The following CDC27 variants were observed in gnomAD, a reference collection of about 807,000 sequenced individuals.
CDC27 encodes cell division cycle protein 27 homolog.
A neutral mutation model predicts 109.7 loss-of-function variants in CDC27; 27 were observed. The observed-to-expected ratio is 0.25, with a 90% confidence interval of 0.18 to 0.34. The LOEUF (loss-of-function observed/expected upper bound fraction) is 0.34, where lower values mean the gene tolerates loss of function less well. CDC27 is among the 10% of genes least tolerant of loss of function. The pLI, the probability that CDC27 is intolerant of heterozygous loss-of-function variation, is 1.00. For missense variants in CDC27, 579 were observed against 960.2 expected (o/e 0.60, Z 5.25); for synonymous variants, 266 against 333.9 (o/e 0.80, Z 2.22).
intron 4 of CDC27, among the ~76,000 whole-genome samples, chr17:47,162,864 G>A (rs893843392): frequency 6.6e-6 from 1 of 152,106 alleles, no homozygotes; most frequent in African/African-American, 2.4e-5. Context: ...TGTCTGTTAA[G>A]AGATTAGATA....
At chr17:47,151,262 G>T (rs1394367787) in intron 9 of CDC27, among the ~76,000 whole-genome samples, 1 of 152,164 alleles carries the variant, frequency 6.6e-6, no homozygotes, top group East Asian at 1.9e-4. Context: ...AGTCAAGGAG[G>T]TATATGCACA....
At chr17:47,184,184 A>G (rs1757218087) in intron 1 of CDC27, among the ~76,000 whole-genome samples, 1 of 152,154 alleles carries the variant, frequency 6.6e-6, no homozygotes. Context: ...CTCAGCCTCA[A>G]TCTCTTCATC....
At chr17:47,122,768 G>C (rs2062016324) in intron 17 of CDC27, 168 bp from the exon 18 acceptor site, 2 of 386,762 alleles carry the variant, frequency 5.2e-6, no homozygotes, top group Non-Finnish European at 8.8e-6. Flanking sequence ...CCACCTCCCA[G>C]GTTCAAGCGA....
At chr17:47,159,990 A>G in intron 4 of CDC27, 1 of 237,654 alleles carries the variant, frequency 4.2e-6, no homozygotes, top group Non-Finnish European at 8.0e-6. Flanking sequence ...CCACTGCTGA[A>G]ACCTCTGCTT....
intron 9 of CDC27, 122 bp downstream of exon 9, chr17:47,151,684 C>T: frequency 1.4e-6 from 1 of 712,504 alleles, no homozygotes. Context: ...TCAAATTTTA[C>T]ATCTTCAAAA....
rs183586491 is a variant in CDC27, at chr17:47,174,085, T to G, written c.104-2021A>C. Among the ~76,000 whole-genome samples the G allele has an allele frequency of 5.9e-5, 9 of 152,226 alleles. No homozygotes were observed. The East Asian group carries it at 1.7e-3, about 29-fold the overall frequency. On this transcript the variant is annotated intron_variant, in intron 2 of 18. Coordinates refer to ENST00000066544, the MANE Select transcript of CDC27 (RefSeq NM_001256.6). The stretch of plus-strand genomic sequence containing the variant: ...TTCCAGCCTGGGTGACAGAGTGAGA[T>G]TCTGTTTAAATAAATAAATAAATAT...
intron 7 of CDC27, 58 bp downstream of exon 7, chr17:47,156,855 A>T (rs2063322137): frequency 1.7e-6 from 1 of 580,960 alleles, no homozygotes; most frequent in Non-Finnish European, 3.1e-6. Flanking sequence ...TAACAATATG[A>T]GTTATCATAA....
chr17:47,149,837 C>T (rs929481740), intron 9 of CDC27, among the ~76,000 whole-genome samples: 1 of 152,076 alleles, frequency 6.6e-6, no homozygotes, highest in African/African-American at 2.4e-5. Flanking sequence ...TGCCTGTAAT[C>T]CCAGCTACAT....
intron 4 of CDC27, among the ~76,000 whole-genome samples, chr17:47,163,457 T>TG (rs2063554666): frequency 1.3e-5 from 2 of 152,128 alleles, no homozygotes; most frequent in Admixed American, 1.3e-4. Flanking sequence ...TCCCAGCACT[T>TG]TGGGAGGCTG....
chr17:47,169,750 T>C, intron 4 of CDC27, 167 bp downstream of exon 4: 1 of 430,852 alleles, frequency 2.3e-6, no homozygotes, highest in Non-Finnish European at 4.0e-6. Flanking sequence ...AGTGGAGAGT[T>C]CAAACTTAGA....
At chr17:47,122,297 A>G (rs1369352153) in intron 18 of CDC27, 147 bp downstream of exon 18, 2 of 481,898 alleles carry the variant, frequency 4.2e-6, no homozygotes, top group Admixed American at 3.7e-5. Context: ...GCATTTTGTT[A>G]TTACATCACC....
chr17:47,120,840 C>T lies in CDC27; in HGVS notation c.*95G>A. On this transcript the variant is annotated 3_prime_UTR_variant, in exon 19 of 19. Transcript: ENST00000066544. ...ATGGTATAAGTGACGGACGATGACA[C>T]CGCCAGCTCAAGAGTAAAGACTCAG... 1.2e-6 allele frequency: 1 copy of T among 846,046 alleles called. No individual in the cohort carries two copies. Among genetic ancestry groups the T allele is most frequent in the Non-Finnish European group, 2.0e-6 (1 of 510,744 alleles). 52.4% of individuals were successfully genotyped at this position (846,046 alleles called of 1,614,324 possible). A position where few individuals can be genotyped will look rare whatever the true frequency, so the allele number is the denominator to read the frequency against.
Position 47,168,387 on chromosome 17 carries a change from G to A in CDC27, c.377+1530C>T, listed in dbSNP as rs576379310. ...CACTTTGGAGTTTCTAAGTGTATAC[G>A]AGGAAATGAGGTCAAAGACCAAATA... On this transcript the variant is annotated intron_variant, in intron 4 of 18. Coordinates refer to ENST00000066544, the MANE Select transcript of CDC27 (RefSeq NM_001256.6). Among the ~76,000 whole-genome samples, 6 of 152,206 alleles carry A rather than the reference G, an allele frequency of 3.9e-5. No individual in the cohort carries two copies. The East Asian group carries it at 1.2e-3, about 29-fold the overall frequency.
At chr17:47,155,431 A>C (rs1350108670) in intron 7 of CDC27, among the ~76,000 whole-genome samples, 2 of 152,040 alleles carry the variant, frequency 1.3e-5, no homozygotes, top group Non-Finnish European at 2.9e-5. Context: ...ATTTTAGTAG[A>C]GATAGGGTTT....
At chr17:47,140,105 C>A (rs1027117008) in intron 12 of CDC27, 6 of 152,046 alleles carry the variant, frequency 3.9e-5, no homozygotes, top group Admixed American at 1.3e-4. Context: ...GTGCTTAATT[C>A]CAAGAAGTGG....
chr17:47,177,196 G>A (rs2064046927), intron 2 of CDC27, among the ~76,000 whole-genome samples: 2 of 152,132 alleles, frequency 1.3e-5, no homozygotes, highest in Non-Finnish European at 2.9e-5. Flanking sequence ...CTACCTGGGA[G>A]GATCGCTTGA....
chr17:47,130,037 T>C (rs901048434), intron 15 of CDC27, among the ~76,000 whole-genome samples: 1 of 152,212 alleles, frequency 6.6e-6, no homozygotes, highest in African/African-American at 2.4e-5. Flanking sequence ...AGAACAATTA[T>C]ATTTTCAATA....
chr17:47,130,548 T>C (rs2062292403), intron 15 of CDC27, among the ~76,000 whole-genome samples: 1 of 152,154 alleles, frequency 6.6e-6, no homozygotes, highest in Non-Finnish European at 1.5e-5. Context: ...ACTAATATTC[T>C]GCTATGCTCC....
chr17:47,148,903 A>T (rs2063060963), intron 9 of CDC27, among the ~76,000 whole-genome samples: 1 of 152,098 alleles, frequency 6.6e-6, no homozygotes, highest in Non-Finnish European at 1.5e-5. Flanking sequence ...ACATGGTGAA[A>T]GCCAATCTCT....
Sources: allele counts gnomAD v4.1 joint callset (sites outside exome capture counted in the v4.1 genomes callset), GRCh38; gene constraint gnomAD v4.1.1; transcripts MANE v1.5; gene names NCBI Gene and HGNC (gene_info 2026-07-23, HGNC 2026-07-21).